Variants in RXRA observed in about 807,000 individuals in gnomAD.
RXRA encodes retinoid X receptor alpha.
A neutral mutation model predicts 44.5 loss-of-function variants in RXRA; 5 were observed. The observed-to-expected ratio is 0.11, with a 90% CI of 0.06 to 0.24. The LOEUF is 0.24. RXRA is among the 10% of genes least tolerant of loss of function. The pLI is 1.00. For missense variants in RXRA, 412 were observed against 646.5 expected, an observed-to-expected ratio of 0.64 and a Z score of 3.93; for synonymous variants, 291 against 271.4, an observed-to-expected ratio of 1.07 and a Z score of -0.71.
chr9:134,429,503 C>T (rs372706193), intron 7 of RXRA, among the ~76,000 whole-genome samples: 11 of 152,356 alleles, frequency 7.2e-5, no homozygotes, highest in African/African-American at 2.4e-4. Context: ...TGTATTTATC[C>T]GTGGGAAGGA....
chr9:134,330,118 G>C (rs1359510133), intron 1 of RXRA, among the ~76,000 whole-genome samples: 1 of 152,148 alleles, frequency 6.6e-6, no homozygotes, highest in Non-Finnish European at 1.5e-5. Context: ...GGGACCTCGA[G>C]TGGTGAGCAA....
At chr9:134,400,768 C>T (rs1206755963) in intron 1 of RXRA, among the ~76,000 whole-genome samples, 1 of 152,230 alleles carries the variant, frequency 6.6e-6, no homozygotes, top group Non-Finnish European at 1.5e-5. Flanking sequence ...CCAGCCTCTC[C>T]TGCGGCCCTA....
intron 1 of RXRA, chr9:134,379,384 G>A: frequency 1.0e-6 from 1 of 987,564 alleles, no homozygotes; most frequent in Non-Finnish European, 1.2e-6. Flanking sequence ...CCTGTGGTGA[G>A]CTGCTTCTGG....
At chr9:134,398,222 C>T (rs1335088774) in intron 1 of RXRA, among the ~76,000 whole-genome samples, 1 of 152,156 alleles carries the variant, frequency 6.6e-6, no homozygotes, top group African/African-American at 2.4e-5. Context: ...TCAGGTGATC[C>T]ACCCACCTCA....
At chr9:134,364,900 C>G (rs2119069278) in intron 1 of RXRA, among the ~76,000 whole-genome samples, 1 of 152,294 alleles carries the variant, frequency 6.6e-6, no homozygotes, top group East Asian at 1.9e-4. Flanking sequence ...CCTCTCGGCC[C>G]CTAGCTCGTG....
At chr9:134,430,552 C>T (rs556941152) in intron 7 of RXRA, among the ~76,000 whole-genome samples, 23 of 152,330 alleles carry the variant, frequency 1.5e-4, no homozygotes, top group African/African-American at 4.1e-4. Context: ...TGGCCGCAGA[C>T]GGTGGGCAAA....
chr9:134,352,054 C>T (rs558933226), intron 1 of RXRA, among the ~76,000 whole-genome samples: 4 of 152,222 alleles, frequency 2.6e-5, no homozygotes, highest in African/African-American at 4.8e-5. Context: ...CGGGGCAGCC[C>T]GGGGAGGGAG....
chr9:134,352,082 C>T (rs73663460), intron 1 of RXRA, among the ~76,000 whole-genome samples: 6,155 of 152,176 alleles, frequency 0.04, 208 homozygotes, highest in African/African-American at 0.094. Flanking sequence ...GCACAGGCTG[C>T]GGGAGTCAGA....
chr9:134,375,698 G>A (rs560842036), intron 1 of RXRA, among the ~76,000 whole-genome samples: 2 of 152,254 alleles, frequency 1.3e-5, no homozygotes, highest in South Asian at 4.2e-4. Flanking sequence ...TGTGTGGGTT[G>A]TCAGGGCTGG....
Position 134,426,440 on chromosome 9 carries a change from G to C in RXRA, c.911-2668G>C. The C allele has an allele frequency of 1.0e-6, 1 of 985,470 alleles. No individual in the cohort carries two copies. Among genetic ancestry groups the C allele is most frequent in the South Asian group, 4.7e-5 (1 of 21,290 alleles). The allele number at this position is 985,470 out of a possible 1,614,324, so 61.0% of individuals were successfully genotyped here. A position where few individuals can be genotyped will look rare whatever the true frequency, so the allele number is the denominator to read the frequency against. ...GTGGGGCAGGAGAGGAGAAATAACCGAGTGAGGACATCGGGGTGGAGGGAC... is the reference window on the plus strand; with the variant it reads ...GTGGGGCAGGAGAGGAGAAATAACCCAGTGAGGACATCGGGGTGGAGGGAC... On this transcript the variant is annotated intron_variant, in intron 6 of 9. Coordinates refer to ENST00000481739, the MANE Select transcript of RXRA (RefSeq NM_002957.6). This position sits in a 1 kb window ranked among gnomAD's most constrained non-coding sequence, Gnocchi z 4.6.
At chr9:134,354,040 G>T (rs932882378) in intron 1 of RXRA, among the ~76,000 whole-genome samples, 3 of 152,190 alleles carry the variant, frequency 2.0e-5, no homozygotes, top group Admixed American at 6.5e-5. Flanking sequence ...ACGGAGCCTA[G>T]ACTTCACTGT....
rs1022153369 is a variant in RXRA at position 134,433,784 on chromosome 9, C to T, written c.1136-318C>T. Reference sequence around the variant, plus strand: ...GTTCCCAAGGCGGCTGGAAGGAAGGCAGCAGATCCCTGACACTTTATCGAT... The same window carrying T: ...GTTCCCAAGGCGGCTGGAAGGAAGGTAGCAGATCCCTGACACTTTATCGAT... On this transcript the variant is annotated intron_variant, in intron 8 of 9. Transcript: ENST00000481739. This position sits in a 1 kb window ranked among gnomAD's most constrained non-coding sequence, Gnocchi z 4.2. Among the ~76,000 whole-genome samples, 1 of 152,176 alleles carries T rather than the reference C, an allele frequency of 6.6e-6. No homozygotes were observed. The highest frequency in any genetic ancestry group is 2.4e-5 in the African/African-American group (1 of 41,432).
At chr9:134,369,526 G>T (rs1007100827) in intron 1 of RXRA, among the ~76,000 whole-genome samples, 1 of 143,736 alleles carries the variant, frequency 7.0e-6, no homozygotes. Context: ...TGTGTGTGGG[G>T]GGGTTATGTG....
At chr9:134,389,759 T>A (rs1588281618) in intron 1 of RXRA, among the ~76,000 whole-genome samples, 1 of 152,012 alleles carries the variant, frequency 6.6e-6, no homozygotes, top group Non-Finnish European at 1.5e-5. Flanking sequence ...GTGGATGGGG[T>A]CACCCAGAGT....
At chr9:134,341,194 C>G (rs1479393420) in intron 1 of RXRA, among the ~76,000 whole-genome samples, 1 of 152,210 alleles carries the variant, frequency 6.6e-6, no homozygotes, top group Non-Finnish European at 1.5e-5. Context: ...ATGGCACGCT[C>G]CCTCGTTCCC....
intron 4 of RXRA, among the ~76,000 whole-genome samples, chr9:134,413,606 G>T (rs144850754): frequency 6.6e-6 from 1 of 152,210 alleles, no homozygotes; most frequent in Non-Finnish European, 1.5e-5. Context: ...CACAAGGGAC[G>T]GAGGAAGGAC....
chr9:134,427,171 A>C lies in RXRA; in HGVS notation c.911-1937A>C, dbSNP rs1394060314. 2.6e-5 allele frequency: 7 copies of C among 268,930 alleles called. No homozygotes were observed. In the East Asian group the frequency reaches 9.5e-4, roughly 36 times the overall value. The allele number at this position is 268,930 out of a possible 1,614,324, so 16.7% of individuals were successfully genotyped here. ...TACAGATGTTTCATTGGGCAAAAAC[A>C]AAAAAAAAAAAAAGAGGGTTCTGTG... On this transcript the variant is annotated intron_variant, in intron 6 of 9. Coordinates refer to ENST00000481739, the MANE Select transcript of RXRA (RefSeq NM_002957.6).
In RXRA at chr9:134,440,567, C is replaced by T. The variant is rs1482625521; in HGVS notation, c.*3953C>T. On this transcript the variant is annotated 3_prime_UTR_variant, in exon 10 of 10. Transcript: ENST00000481739. ...AAACAAAATATGAGCGTTTAAAATA[C>T]ATCGCCATTCAGTTCGTTTGTTCCG... The T allele has an allele frequency of 6.6e-6, 1 of 152,378 alleles. No individual in the cohort carries two copies. The allele number at this position is 152,378 out of a possible 1,614,324, so 9.4% of individuals were successfully genotyped here.
In RXRA at chr9:134,365,207, CG is replaced by C. The variant is rs1446789698; in HGVS notation, c.29-36423del. On this transcript the variant is annotated intron_variant, in intron 1 of 9. Coordinates refer to ENST00000481739, the MANE Select transcript of RXRA (RefSeq NM_002957.6). This position sits in a 1 kb window ranked among gnomAD's most constrained non-coding sequence, Gnocchi z 4.0. ...GGAAAGCCCCTCGTGGGCCATCTCC[CG>C]GAGTTCTCTTGAGGGCCCCTGTCTT... Among the ~76,000 whole-genome samples the C allele has an allele frequency of 2.0e-5, 3 of 152,202 alleles. No homozygotes were observed. Among genetic ancestry groups the C allele is most frequent in the African/African-American group, 7.2e-5 (3 of 41,452 alleles).
Sources: gnomAD v4.1 joint callset for allele counts (sites outside exome capture counted in the v4.1 genomes callset) on GRCh38, gnomAD v4.1.1 for gene constraint, Gnocchi (gnomAD v3.1) non-coding constraint, MANE v1.5 for transcripts, NCBI Gene and HGNC (gene_info 2026-07-23, HGNC 2026-07-21) for gene names.